SLC1A2: variants seen among roughly 807,000 people sequenced by gnomAD.
SLC1A2 encodes excitatory amino acid transporter 2.
Under a neutral mutation model 48.8 loss-of-function variants are expected in SLC1A2, and 15 were observed. The ratio of observed to expected loss-of-function variants is 0.31; its 90% confidence interval spans 0.21 to 0.47. The LOEUF (loss-of-function observed/expected upper bound fraction) is 0.47, where lower values mean the gene tolerates loss of function less well. Among genes scored for constraint, SLC1A2 ranks in the 20% least tolerant of loss-of-function variants. The probability of loss-of-function intolerance (pLI) is 0.99; values close to 1 mark genes in which losing one functional copy is unlikely to be tolerated. For missense variants in SLC1A2, 502 were observed against 730.5 expected, an observed-to-expected ratio of 0.69 and a Z score of 3.61; for synonymous variants, 279 against 272.6, an observed-to-expected ratio of 1.02 and a Z score of -0.23.
Position 35,306,170 on chromosome 11 carries a change from C to G in SLC1A2, c.634G>C (p.Val212Leu). 6.2e-7 allele frequency: 1 copy of G among 1,614,010 alleles called. No homozygotes were observed. ...GTCACAGTCTCGTTCAACAGAGAGA[C>G]AACAGCGCTGGTTGCGTTGGCCTCC... The part of the protein sequence containing the change: ...DEEANATSAV[V>L]SLLNETVTEV... Residue 212 changes from valine to leucine, a missense_variant, in exon 5 of 11, where the codon GTC (valine) becomes CTC (leucine). Transcript: ENST00000278379.
chr11:35,309,769 C>T (rs565680304), intron 4 of SLC1A2, among the ~76,000 whole-genome samples: 1 of 152,326 alleles, frequency 6.6e-6, no homozygotes, highest in South Asian at 2.1e-4. Context: ...AAAGAGTTTC[C>T]TGTCCTCAAG....
chr11:35,277,151 A>G (rs1850466678), intron 9 of SLC1A2, among the ~76,000 whole-genome samples: 2 of 152,256 alleles, frequency 1.3e-5, no homozygotes, highest in African/African-American at 4.8e-5. Context: ...TACAATGGCA[A>G]TTAAACGTCA....
intron 1 of SLC1A2, among the ~76,000 whole-genome samples, chr11:35,363,132 G>A (rs867190704): frequency 2.6e-5 from 4 of 152,182 alleles, no homozygotes; most frequent in Admixed American, 1.3e-4. Context: ...GCCTCTCACT[G>A]GAGAGGCTTA....
intron 1 of SLC1A2, among the ~76,000 whole-genome samples, chr11:35,404,771 T>C (rs538479438): frequency 3.9e-5 from 6 of 152,248 alleles, no homozygotes; most frequent in South Asian, 2.1e-4. Flanking sequence ...TTGAACCCCA[T>C]TGACAGTCTT....
At chr11:35,296,132 C>T (rs763958100) in intron 6 of SLC1A2, among the ~76,000 whole-genome samples, 4 of 152,238 alleles carry the variant, frequency 2.6e-5, no homozygotes, top group Non-Finnish European at 5.9e-5. Flanking sequence ...TTTACCTTAG[C>T]TCCAACTACT....
At position 35,319,474 on chromosome 11, in the gene SLC1A2, T is replaced by C. The variant is rs912404869; in HGVS notation, c.18-1958A>G. ...AAACTCTCCAGTCCCCTTGAGATCA[T>C]TAATCTCCTTGCCTTCTGCTTCATT... On this transcript the variant is annotated intron_variant, in intron 1 of 10. Coordinates refer to ENST00000278379, the MANE Select transcript of SLC1A2 (RefSeq NM_004171.4). Among the ~76,000 whole-genome samples, 5 of 152,224 alleles carry C rather than the reference T, an allele frequency of 3.3e-5. No individual in the cohort carries two copies. The East Asian group carries it at 9.6e-4, about 29-fold the overall frequency.
chr11:35,319,216 G>A (rs148011070), intron 1 of SLC1A2, among the ~76,000 whole-genome samples: 11 of 152,234 alleles, frequency 7.2e-5, no homozygotes, highest in South Asian at 2.1e-4. Flanking sequence ...TCCTCCCCTC[G>A]CCAAGTGAAA....
intron 1 of SLC1A2, among the ~76,000 whole-genome samples, chr11:35,409,040 A>T (rs1855383276): frequency 6.6e-6 from 1 of 152,244 alleles, no homozygotes; most frequent in Admixed American, 6.5e-5. Context: ...ATGATAATCA[A>T]TGTCTTGGTC....
chr11:35,289,169 C>T (rs1850916173), intron 7 of SLC1A2, among the ~76,000 whole-genome samples: 2 of 152,238 alleles, frequency 1.3e-5, no homozygotes, highest in Non-Finnish European at 2.9e-5. Flanking sequence ...GGCCACCCCA[C>T]TCCCTCTGTC....
chr11:35,376,028 A>T (rs973430451), intron 1 of SLC1A2, among the ~76,000 whole-genome samples: 2 of 152,158 alleles, frequency 1.3e-5, no homozygotes, highest in Non-Finnish European at 2.9e-5. Context: ...ATCAGTAATA[A>T]CCAGCCAGGC....
chr11:35,317,790 A>T (rs931334064), intron 1 of SLC1A2, among the ~76,000 whole-genome samples: 5 of 152,254 alleles, frequency 3.3e-5, no homozygotes, highest in African/African-American at 1.2e-4. Context: ...GAAGGAAGTT[A>T]TCATGTTACA....
At chr11:35,266,577 A>T (rs901968546) in intron 9 of SLC1A2, among the ~76,000 whole-genome samples, 2 of 152,204 alleles carry the variant, frequency 1.3e-5, no homozygotes, top group African/African-American at 2.4e-5. Flanking sequence ...AAGCTAATTA[A>T]ATTCTTAAGA....
chr11:35,317,743 G>T (rs968160340), intron 1 of SLC1A2, among the ~76,000 whole-genome samples: 1 of 152,188 alleles, frequency 6.6e-6, no homozygotes, highest in Non-Finnish European at 1.5e-5. Context: ...TGCAATGGTA[G>T]GATCTTCCAA....
At chr11:35,278,873 G>A (rs1349017279) in intron 9 of SLC1A2, among the ~76,000 whole-genome samples, 1 of 152,122 alleles carries the variant, frequency 6.6e-6, no homozygotes, top group East Asian at 1.9e-4. Flanking sequence ...ACAAAAATTA[G>A]CCGGGTGTGG....
chr11:35,403,110 T>C (rs563810157), intron 1 of SLC1A2, among the ~76,000 whole-genome samples: 2 of 152,330 alleles, frequency 1.3e-5, no homozygotes, highest in African/African-American at 4.8e-5. Context: ...ATCAACATTA[T>C]AGGTATCTTC....
chr11:35,313,634 G>C (rs151120770), intron 3 of SLC1A2, among the ~76,000 whole-genome samples: 2 of 152,282 alleles, frequency 1.3e-5, no homozygotes, highest in African/African-American at 2.4e-5. Context: ...TTACAACCTA[G>C]TCTAATTCTA....
Position 35,260,524 on chromosome 11 carries a change from A to C in SLC1A2, c.*370T>G, listed in dbSNP as rs1950376733. On this transcript the variant is annotated 3_prime_UTR_variant, in exon 11 of 11. Transcript: ENST00000278379. ...CGCTGTGTGTTTGCTCATTTTCCCA[A>C]GTCCCTGGAGTGTACCACACTGCTT... 1 of 194,192 alleles carries C rather than the reference A, an allele frequency of 5.1e-6. No individual in the cohort carries two copies. The highest frequency in any genetic ancestry group is 5.3e-5 in the Admixed American group (1 of 18,810). The allele number at this position is 194,192 out of a possible 1,614,324, so 12.0% of individuals were successfully genotyped here. A position where few individuals can be genotyped will look rare whatever the true frequency, so the allele number is the denominator to read the frequency against.
intron 10 of SLC1A2, among the ~76,000 whole-genome samples, chr11:35,262,721 A>G (rs1430434109): frequency 6.6e-6 from 1 of 152,254 alleles, no homozygotes; most frequent in East Asian, 1.9e-4. Context: ...AACTTGCTTT[A>G]CCTAGCAAAG....
chr11:35,366,855 G>A (rs185573371), intron 1 of SLC1A2, among the ~76,000 whole-genome samples: 293 of 152,300 alleles, frequency 1.9e-3, no homozygotes, highest in Non-Finnish European at 3.4e-3. Flanking sequence ...CGGGTCCTAG[G>A]TGAAGAAGGT....
Sources: gnomAD v4.1 joint callset for allele counts (sites outside exome capture counted in the v4.1 genomes callset) on GRCh38, gnomAD v4.1.1 for gene constraint, MANE v1.5 for transcripts, NCBI Gene and HGNC (gene_info 2026-07-23, HGNC 2026-07-21) for gene names.